The following STRBP variants were observed in gnomAD, a reference collection of about 807,000 sequenced individuals.
STRBP encodes spermatid perinuclear RNA-binding protein.
In STRBP, 13 loss-of-function variants were observed where a neutral mutation model predicts 80.1. That is an observed-to-expected ratio of 0.16 (90% CI 0.11 to 0.26). The LOEUF (loss-of-function observed/expected upper bound fraction) is 0.26. STRBP is among the 10% of genes least tolerant of loss of function. The probability of loss-of-function intolerance (pLI) is 1.00; values close to 1 mark genes in which losing one functional copy is unlikely to be tolerated. For missense variants in STRBP, 485 were observed against 815.2 expected, an observed-to-expected ratio of 0.59 and a Z score of 4.93; for synonymous variants, 284 against 291.2, an observed-to-expected ratio of 0.98 and a Z score of 0.25.
chr9:123,231,515 C>T (rs1377609233), intron 2 of STRBP, among the ~76,000 whole-genome samples: 1 of 152,184 alleles, frequency 6.6e-6, no homozygotes, highest in East Asian at 1.9e-4. Context: ...ACTGCCAGCA[C>T]CACAGTCTCC....
chr9:123,180,708 A>G (rs1276982148), intron 3 of STRBP, among the ~76,000 whole-genome samples: 1 of 152,198 alleles, frequency 6.6e-6, no homozygotes, highest in Non-Finnish European at 1.5e-5. Context: ...CTATACACTC[A>G]TGAGTCACAC....
Position 123,202,797 on chromosome 9 carries a change from C to T in STRBP, c.-164-18499G>A, listed in dbSNP as rs76276568. 1.6e-4 allele frequency among the ~76,000 whole-genome samples: 24 copies of T among 152,264 alleles called. No individual in the cohort carries two copies. In the East Asian group the frequency reaches 4.4e-3, roughly 28 times the overall value. ...GTTATCCATTGTATGCCTATCAGAA[C>T]ATCACACCTACTCCATAAATATATA... On this transcript the variant is annotated intron_variant, in intron 2 of 18. Coordinates refer to ENST00000348403, the MANE Select transcript of STRBP (RefSeq NM_018387.5).
chr9:123,165,595 T>G lies in STRBP; in HGVS notation c.535+4307A>C, dbSNP rs556806685. 2.0e-5 allele frequency among the ~76,000 whole-genome samples: 3 copies of G among 152,314 alleles called. No homozygotes were observed. In the East Asian group the frequency reaches 5.8e-4, roughly 29 times the overall value. ...CTTATCCACCTGGTTTCAAACTGCA[T>G]TATAAATAAGCAGATAATTTATCAC... On this transcript the variant is annotated intron_variant, in intron 6 of 18. Transcript: ENST00000348403.
chr9:123,247,914 A>C (rs1455818842), intron 1 of STRBP, among the ~76,000 whole-genome samples: 1 of 152,248 alleles, frequency 6.6e-6, no homozygotes, highest in Non-Finnish European at 1.5e-5. Context: ...AAGTTGAAAA[A>C]AACAACAATA....
intron 2 of STRBP, chr9:123,212,826 A>C (rs1488604079): frequency 6.6e-6 from 1 of 152,228 alleles, no homozygotes; most frequent in Admixed American, 6.5e-5. Context: ...TAAATTCTGC[A>C]TCACAGACAT....
At chr9:123,197,180 C>G (rs141258537) in intron 2 of STRBP, among the ~76,000 whole-genome samples, 8 of 152,042 alleles carry the variant, frequency 5.3e-5, no homozygotes, top group African/African-American at 1.9e-4. Flanking sequence ...TCTGTGGAAG[C>G]TAAAAATTAA....
intron 6 of STRBP, chr9:123,168,339 A>AT (rs2037858153): frequency 3.1e-6 from 1 of 321,312 alleles, no homozygotes; most frequent in South Asian, 1.2e-4. Flanking sequence ...ATTTTAATGC[A>AT]TAGGCATAAG....
intron 6 of STRBP, among the ~76,000 whole-genome samples, chr9:123,164,891 C>A (rs910141352): frequency 3.9e-5 from 6 of 152,148 alleles, no homozygotes; most frequent in African/African-American, 1.4e-4. Context: ...TAAGGTAGAA[C>A]AGAGAAAGCA....
In STRBP at chr9:123,264,276, A is replaced by G. The variant is rs548024863; in HGVS notation, c.-302+4160T>C. Among the ~76,000 whole-genome samples the G allele has an allele frequency of 3.7e-4, 56 of 152,352 alleles. No homozygotes were observed. In the South Asian group the frequency reaches 0.011, roughly 29 times the overall value. ...AATCTTGGGCTATAGCTAGAACCCA[A>G]TGTCTCTCACAAGCTTCTGCTCAGG... On this transcript the variant is annotated intron_variant, in intron 1 of 18. Coordinates refer to ENST00000348403, the MANE Select transcript of STRBP (RefSeq NM_018387.5).
chr9:123,212,348 G>T (rs1041255880), intron 2 of STRBP, among the ~76,000 whole-genome samples: 1 of 152,078 alleles, frequency 6.6e-6, no homozygotes, highest in Admixed American at 6.6e-5. Flanking sequence ...AGCATTTGTC[G>T]AATGATTTTC....
intron 1 of STRBP, among the ~76,000 whole-genome samples, chr9:123,252,052 T>A (rs1011366326): frequency 1.3e-5 from 2 of 151,966 alleles, no homozygotes; most frequent in African/African-American, 2.4e-5. Context: ...AGCTCAATTA[T>A]ACAATACCCA....
chr9:123,233,812 G>A (rs2040464044), intron 2 of STRBP, among the ~76,000 whole-genome samples: 1 of 152,152 alleles, frequency 6.6e-6, no homozygotes, highest in Non-Finnish European at 1.5e-5. Flanking sequence ...TTAATAATAG[G>A]TGACTCTCCT....
intron 2 of STRBP, among the ~76,000 whole-genome samples, chr9:123,215,552 G>A (rs2039867447): frequency 6.6e-6 from 1 of 152,124 alleles, no homozygotes; most frequent in Non-Finnish European, 1.5e-5. Flanking sequence ...CCAAAAATTT[G>A]GGAGGCCAAA....
At chr9:123,137,307 G>A (rs1463054724) in intron 14 of STRBP, among the ~76,000 whole-genome samples, 1 of 152,178 alleles carries the variant, frequency 6.6e-6, no homozygotes, top group African/African-American at 2.4e-5. Flanking sequence ...CCAAAAGATA[G>A]GGCACTTTTT....
At chr9:123,248,071 T>G (rs756417055) in intron 1 of STRBP, among the ~76,000 whole-genome samples, 1 of 152,136 alleles carries the variant, frequency 6.6e-6, no homozygotes, top group Non-Finnish European at 1.5e-5. Flanking sequence ...AAGTCTTGAG[T>G]GGAGATCTTT....
At chr9:123,213,546 C>G (rs1337443749) in intron 2 of STRBP, 1 of 152,126 alleles carries the variant, frequency 6.6e-6, no homozygotes, top group Admixed American at 6.5e-5. Flanking sequence ...ATTATACCAA[C>G]TGGACAGAGG....
In STRBP at chr9:123,136,579, T is replaced by C. The variant is rs1370119485; in HGVS notation, c.1498-64A>G. ...GATTTTAGAATATTACATTTCTTAT[T>C]AATACAATTATGCTAAGAAGGAGGC... On this transcript the variant is annotated intron_variant, in intron 14 of 18. Coordinates refer to ENST00000348403, the MANE Select transcript of STRBP (RefSeq NM_018387.5). This position sits in a 1 kb window ranked among gnomAD's most constrained non-coding sequence, Gnocchi z 4.2. 2.2e-5 allele frequency: 35 copies of C among 1,561,964 alleles called. No homozygotes were observed. Among genetic ancestry groups the C allele is most frequent in the Non-Finnish European group, 3.0e-5 (35 of 1,154,842 alleles).
chr9:123,121,626 T>G lies in STRBP; in HGVS notation c.*3971A>C, dbSNP rs2035736616. The G allele has an allele frequency of 6.6e-6, 1 of 152,104 alleles. No individual in the cohort carries two copies. Among genetic ancestry groups the G allele is most frequent in the African/African-American group, 2.4e-5 (1 of 41,418 alleles). 9.4% of individuals were successfully genotyped at this position (152,104 alleles called of 1,614,324 possible). ...TAATATTTTGTTTTTGTTTTTTTTT[T>G]TTTTCATTTTCTATTGCTTTTTTCT... On this transcript the variant is annotated 3_prime_UTR_variant, in exon 19 of 19. Transcript: ENST00000348403.
chr9:123,159,780 T>C (rs2037445334), intron 8 of STRBP, among the ~76,000 whole-genome samples: 1 of 152,232 alleles, frequency 6.6e-6, no homozygotes. Flanking sequence ...AATTGTTTTA[T>C]AATGTTCTTA....
Sources: allele counts gnomAD v4.1 joint callset (sites outside exome capture counted in the v4.1 genomes callset), GRCh38; gene constraint gnomAD v4.1.1; non-coding constraint Gnocchi (gnomAD v3.1); transcripts MANE v1.5; gene names NCBI Gene and HGNC (gene_info 2026-07-23, HGNC 2026-07-21).